Variants in LONP1 observed in about 807,000 individuals in gnomAD.
LONP1 encodes lon protease homolog, mitochondrial.
In LONP1, 31 loss-of-function variants were observed where a neutral mutation model predicts 98.5. The observed-to-expected ratio is 0.31, with a 90% CI of 0.24 to 0.42. The LOEUF (loss-of-function observed/expected upper bound fraction) is 0.42. LONP1 is among the 20% of genes least tolerant of loss of function. The pLI is 1.00. For synonymous variants in LONP1, 781 were observed against 594.7 expected, an observed-to-expected ratio of 1.31 and a Z score of -4.56; for missense variants, 1,336 against 1,350.6, an observed-to-expected ratio of 0.99 and a Z score of 0.17.
chr19:5,720,291 A>G (rs1046936254), upstream of LONP1: 1 of 1,068,398 alleles, frequency 9.4e-7, no homozygotes, highest in African/African-American at 1.7e-5. Context: ...GCGGAGTTCG[A>G]GCATCGGATC....
At position 5,703,445 on chromosome 19, in the gene LONP1, G is replaced by C. The variant is rs376673839; in HGVS notation, c.1367+2327C>G. The stretch of plus-strand genomic sequence containing the variant: ...AGGTTGGGAGGGCAACTCCATATTG[G>C]TCCCCAAGTTGGGAGCCGTGCAGCA... On this transcript the variant is annotated intron_variant, in intron 8 of 17. Transcript: ENST00000360614. Among the ~76,000 whole-genome samples, 5 of 152,166 alleles carry C rather than the reference G, an allele frequency of 3.3e-5. No individual in the cohort carries two copies. The East Asian group carries it at 9.7e-4, about 29-fold the overall frequency.
intron 4 of LONP1, 114 bp from the exon 5 acceptor site, chr19:5,708,517 TCCG>T: frequency 4.6e-6 from 2 of 436,922 alleles, no homozygotes; most frequent in South Asian, 2.5e-5. Flanking sequence ...CTCCCTCCCC[TCCG>T]CCAACTGGCC....
At chr19:5,693,244 C>T in intron 17 of LONP1, 54 bp downstream of exon 17, 3 of 1,564,024 alleles carry the variant, frequency 1.9e-6, no homozygotes, top group Non-Finnish European at 2.6e-6. Context: ...CTGGGCCTGT[C>T]CCGTGGTGGT....
rs145873959 is a variant in LONP1, at chr19:5,694,517, G to A, written c.2190C>T (p.Gly730=). Residue 730 remains glycine (G), a synonymous_variant, in exon 15 of 18, where the codon GGC becomes GGT. Transcript: ENST00000360614. ...GCGTCACCTCCACGGACTCGGCCTC[G>A]CCGCTGACAATCTTGTAGGCCGATT... ...LRKSAYKIVS[G]EAESVEVTPE... 3.4e-4 allele frequency: 548 copies of A among 1,613,128 alleles called. 2 individuals carry two copies. The African/African-American group carries it at 5.7e-3, about 17-fold the overall frequency.
At position 5,719,890 on chromosome 19, in the gene LONP1, C is replaced by G. The variant is rs554698847; in HGVS notation, c.243G>C (p.Gly81=). ...CGCCGCCCTCGGAGGCGTCCTCGCC[C>G]CCCGAGAATGCGCCTCCGCCGCGGC... ...ASSRGGGAFS[G]GEDASEGGAE... is the part of the protein sequence containing the mutation. Residue 81 remains glycine, a synonymous_variant, in exon 1 of 18, where the codon GGG becomes GGC. Coordinates refer to ENST00000360614, the MANE Select transcript of LONP1 (RefSeq NM_004793.4). 1 of 1,565,992 alleles carries G rather than the reference C, an allele frequency of 6.4e-7. No individual in the cohort carries two copies. The highest frequency in any genetic ancestry group is 1.4e-5 in the African/African-American group (1 of 73,388).
chr19:5,692,951 C>T (rs1202094130), intron 17 of LONP1, among the ~76,000 whole-genome samples: 2 of 152,110 alleles, frequency 1.3e-5, no homozygotes, highest in African/African-American at 4.8e-5. Flanking sequence ...AAGAGGCCAG[C>T]CCCTGGCCAG....
rs2055177593 is a variant in LONP1 at position 5,708,151 on chromosome 19, C to T, written c.932+191G>A. The T allele has an allele frequency of 6.3e-6, 4 of 630,760 alleles. No individual in the cohort carries two copies. In the South Asian group the frequency reaches 7.8e-5, roughly 12 times the overall value. The allele number at this position is 630,760 out of a possible 1,614,324, so 39.1% of individuals were successfully genotyped here. A position where few individuals can be genotyped will look rare whatever the true frequency, so the allele number is the denominator to read the frequency against. The stretch of plus-strand genomic sequence containing the variant: ...GCAGAAGGGGACAAAGAAACTGGGC[C>T]TGCTGAGTCGGCCCCGGGCCTCCCA... On this transcript the variant is annotated intron_variant, in intron 5 of 17. Coordinates refer to ENST00000360614, the MANE Select transcript of LONP1 (RefSeq NM_004793.4).
chr19:5,698,420 G>A lies in LONP1; in HGVS notation c.1685+607C>T, dbSNP rs577651719. ...AGAACCGCTGTCTACAGAGGCTGGC[G>A]AGGAGGGAAGCCCCAGAAAAGCCGC... On this transcript the variant is annotated intron_variant, in intron 10 of 17. Coordinates refer to ENST00000360614, the MANE Select transcript of LONP1 (RefSeq NM_004793.4). Among the ~76,000 whole-genome samples the A allele has an allele frequency of 2.7e-3, 418 of 152,356 alleles. 2 individuals are homozygous for A. The highest frequency in any genetic ancestry group is 9.3e-3 in the African/African-American group (385 of 41,590).
At chr19:5,695,915 C>T (rs1029062867) in intron 13 of LONP1, 139 bp downstream of exon 13, 15 of 690,202 alleles carry the variant, frequency 2.2e-5, no homozygotes, top group East Asian at 2.7e-5. Flanking sequence ...GTGTCTCTCA[C>T]GGCCCCATCT....
Position 5,696,043 on chromosome 19 carries a change from G to A in LONP1, c.2013+11C>T. On this transcript the variant is annotated intron_variant, in intron 13 of 17. Coordinates refer to ENST00000360614, the MANE Select transcript of LONP1 (RefSeq NM_004793.4). ...GGGAAGGGGACAGCAGTGGGGAGGG[G>A]CTGGGCTTACCTCCGCAATGGCCAG... is the stretch of plus-strand genomic sequence containing the variant. 6.2e-7 allele frequency: 1 copy of A among 1,608,184 alleles called. No individual in the cohort carries two copies. Among genetic ancestry groups the A allele is most frequent in the South Asian group, 1.1e-5 (1 of 90,784 alleles).
In LONP1 at chr19:5,713,128, A is replaced by T. The variant is rs2055263155; in HGVS notation, c.638+6T>A. The T allele has an allele frequency of 6.2e-7, 1 of 1,607,834 alleles. No individual in the cohort carries two copies. Among genetic ancestry groups the T allele is most frequent in the Non-Finnish European group, 8.5e-7 (1 of 1,176,906 alleles). On this transcript the variant is annotated splice_donor_region_variant and intron_variant, in intron 3 of 17. Transcript: ENST00000360614. ...CACCTCCCACTGTCCCCCGCCAGCCACCCACCTTCTGTGTCCCATGACGAT... is the reference window on the plus strand; with the variant it reads ...CACCTCCCACTGTCCCCCGCCAGCCTCCCACCTTCTGTGTCCCATGACGAT...
intron 8 of LONP1, among the ~76,000 whole-genome samples, chr19:5,705,486 G>A (rs903018690): frequency 1.3e-5 from 2 of 149,090 alleles, no homozygotes; most frequent in African/African-American, 5.0e-5. Context: ...AAGCAGCCCT[G>A]GCTTAGAGCC....
intron 10 of LONP1, among the ~76,000 whole-genome samples, chr19:5,698,058 T>C (rs1373125792): frequency 3.5e-5 from 4 of 114,464 alleles, no homozygotes; most frequent in Non-Finnish European, 5.1e-5. Flanking sequence ...ACAGGTCCCC[T>C]GTCCTCCCCC....
intron 1 of LONP1, among the ~76,000 whole-genome samples, chr19:5,715,387 T>G (rs1365575206): frequency 2.0e-5 from 3 of 150,472 alleles, no homozygotes; most frequent in African/African-American, 7.4e-5. Context: ...CTCACGCCTG[T>G]AATCCCAGCA....
chr19:5,720,051 C>G lies in LONP1; in HGVS notation c.82G>C (p.Gly28Arg), dbSNP rs762047601. The G allele has an allele frequency of 2.6e-6, 4 of 1,537,918 alleles. No homozygotes were observed. Among genetic ancestry groups the G allele is most frequent in the Non-Finnish European group, 8.7e-7 (1 of 1,146,522 alleles). Residue 28 changes from glycine (G) to arginine (R), a missense_variant, in exon 1 of 18, where the codon GGG becomes CGG. By Grantham distance (125) the Gly-to-Arg change is moderately radical (BLOSUM62 -2). This residue lies in a region of LONP1 where 457 missense variants were observed against 403.1 expected (regional missense o/e 1.13). Transcript: ENST00000360614. ...CCTGCTGCAGTGGGAACCCGCCCCC[C>G]GGCGGCGGCCAGCATCGGCCGCCGC... is the stretch of plus-strand genomic sequence containing the variant. ...VLRRPMLAAAGGRVPTAAGAW... is the reference protein window; with the variant it reads ...VLRRPMLAAARGRVPTAAGAW...
chr19:5,696,572 CCT>C (rs1394494247), intron 11 of LONP1, 96 bp downstream of exon 11: 186 of 1,368,952 alleles, frequency 1.4e-4, no homozygotes, highest in South Asian at 2.4e-4. Flanking sequence ...GGCGATGGCC[CCT>C]GAGTTGGCTC....
intron 6 of LONP1, 73 bp downstream of exon 6, chr19:5,707,624 C>G (rs550775777): frequency 6.5e-7 from 1 of 1,538,708 alleles, no homozygotes; most frequent in African/African-American, 1.4e-5. Context: ...CGGGGGCAGC[C>G]GGGCGTGGGC....
rs373047407 is a variant in LONP1 at position 5,719,651 on chromosome 19, C to T, written c.429+53G>A. The T allele has an allele frequency of 6.8e-6, 11 of 1,612,528 alleles. No individual in the cohort carries two copies. The African/African-American group carries it at 8.0e-5, about 12-fold the overall frequency. On this transcript the variant is annotated intron_variant, in intron 1 of 17. Coordinates refer to ENST00000360614, the MANE Select transcript of LONP1 (RefSeq NM_004793.4). ...GCGCTCAAGTGATCCCACGGTTCAGCCCGCTGCTTGCACAGGTGGGAAACC... is the reference window on the plus strand; with the variant it reads ...GCGCTCAAGTGATCCCACGGTTCAGTCCGCTGCTTGCACAGGTGGGAAACC...
intron 9 of LONP1, 57 bp from the exon 10 acceptor site, chr19:5,699,262 C>T: frequency 1.4e-6 from 2 of 1,406,130 alleles, no homozygotes; most frequent in Non-Finnish European, 1.9e-6. Context: ...GGGACCCGCG[C>T]ATGACTCTCG....
Sources: allele counts gnomAD v4.1 joint callset (sites outside exome capture counted in the v4.1 genomes callset), GRCh38; gene constraint gnomAD v4.1.1; regional missense constraint gnomAD v4.1.1; transcripts MANE v1.5; gene names NCBI Gene and HGNC (gene_info 2026-07-23, HGNC 2026-07-21).